Variants in NCAPD3 observed in about 807,000 individuals in gnomAD.
The protein encoded by NCAPD3 is condensin-2 complex subunit D3.
NCAPD3 carries 105 observed loss-of-function variants against 182.9 expected under a neutral mutation model. The observed-to-expected ratio is 0.57, with a 90% CI of 0.49 to 0.68. The LOEUF is 0.68. Among genes scored for constraint, NCAPD3 ranks in the 30% least tolerant of loss-of-function variants. The pLI is 0.00. For synonymous variants in NCAPD3, 815 were observed against 679.9 expected (o/e 1.20, Z -3.09); for missense variants, 1,944 against 1,837.0 (o/e 1.06, Z -1.07).
chr11:134,165,265 G>A (rs1053287642), intron 27 of NCAPD3, among the ~76,000 whole-genome samples: 4 of 150,510 alleles, frequency 2.7e-5, no homozygotes, highest in Non-Finnish European at 4.4e-5. Context: ...AAGCTGAGGG[G>A]GAGCTGCACA....
chr11:134,205,527 C>T (rs1489753964), intron 8 of NCAPD3, among the ~76,000 whole-genome samples: 7 of 151,928 alleles, frequency 4.6e-5, no homozygotes, highest in Non-Finnish European at 1.0e-4. Context: ...TTACAGGTGC[C>T]CGCCACCACG....
At chr11:134,190,941 AT>A (rs1279670565) in intron 16 of NCAPD3, among the ~76,000 whole-genome samples, 7 of 152,176 alleles carry the variant, frequency 4.6e-5, no homozygotes, top group Non-Finnish European at 8.8e-5. Context: ...GACATTTAGA[AT>A]TGTCGACTAC....
rs368943683 is a variant in NCAPD3, at chr11:134,181,167, C to T, written c.2469G>A (p.Val823=). 5 of 1,613,860 alleles carry T rather than the reference C, an allele frequency of 3.1e-6. No homozygotes were observed. In the African/African-American group the frequency reaches 5.3e-5, roughly 17 times the overall value. ...PAEEQELLTQ[V]CGDVLSTCEH... Reference sequence around the variant, plus strand: ...CGCAGGTGGAGAGTACATCCCCACACACCTGCGTCAGCAATTCCTACGGCA... The same window carrying T: ...CGCAGGTGGAGAGTACATCCCCACATACCTGCGTCAGCAATTCCTACGGCA... Residue 823 remains valine, a synonymous_variant, in exon 20 of 35, where the codon GTG becomes GTA. Transcript: ENST00000534548.
intron 24 of NCAPD3, among the ~76,000 whole-genome samples, chr11:134,169,457 C>G (rs1306985329): frequency 1.3e-5 from 2 of 152,210 alleles, no homozygotes; most frequent in African/African-American, 2.4e-5. Flanking sequence ...CTTCACCTCC[C>G]AACTTCAAGT....
intron 2 of NCAPD3, among the ~76,000 whole-genome samples, chr11:134,220,073 C>A (rs1035331753): frequency 6.6e-6 from 1 of 152,168 alleles, no homozygotes; most frequent in Admixed American, 6.5e-5. Context: ...GGATTACAGG[C>A]ATGAGCCACC....
chr11:134,179,278 A>C (rs1028586616), intron 20 of NCAPD3, among the ~76,000 whole-genome samples: 7 of 152,130 alleles, frequency 4.6e-5, no homozygotes, highest in Non-Finnish European at 7.4e-5. Context: ...ACCCAGAGAC[A>C]CCATTATTGT....
In NCAPD3 at chr11:134,152,808, G is replaced by T; in HGVS notation, c.*136C>A. 1.5e-6 allele frequency: 1 copy of T among 674,708 alleles called. No homozygotes were observed. The allele number at this position is 674,708 out of a possible 1,614,324, so 41.8% of individuals were successfully genotyped here. On this transcript the variant is annotated 3_prime_UTR_variant, in exon 35 of 35. Transcript: ENST00000534548. The stretch of plus-strand genomic sequence containing the variant: ...AATAGAAGGTGAGTGCCAGGCCCCT[G>T]AGGAGGAGCTCTCGTGTTCCACAGC...
intron 16 of NCAPD3, among the ~76,000 whole-genome samples, chr11:134,188,490 G>A (rs1337064859): frequency 2.6e-5 from 4 of 151,296 alleles, no homozygotes; most frequent in Admixed American, 2.6e-4. Context: ...TCTTACTGCT[G>A]CTCACTCTTT....
At chr11:134,181,000 A>G (rs1944283606) in intron 20 of NCAPD3, 77 bp downstream of exon 20, 2 of 1,079,326 alleles carry the variant, frequency 1.9e-6, no homozygotes, top group South Asian at 1.3e-5. Context: ...TAAAGCGTAC[A>G]TGACAAAGTC....
intron 32 of NCAPD3, among the ~76,000 whole-genome samples, chr11:134,156,325 G>A (rs550174420): frequency 2.6e-5 from 4 of 152,182 alleles, no homozygotes; most frequent in Non-Finnish European, 2.9e-5. Context: ...GGCGCAGAGC[G>A]AGGGGCACAC....
At chr11:134,225,380 C>G, upstream of NCAPD3, 1 of 1,607,582 alleles carries the variant, frequency 6.2e-7, no homozygotes. Flanking sequence ...CCCCCAGCGC[C>G]GACAGCCGGC....
intron 13 of NCAPD3, among the ~76,000 whole-genome samples, chr11:134,201,459 A>G (rs1459905073): frequency 6.6e-6 from 1 of 152,166 alleles, no homozygotes; most frequent in Non-Finnish European, 1.5e-5. Context: ...AGTCTGTACA[A>G]TCTTGTGACT....
chr11:134,162,245 AC>A (rs1943603587), intron 27 of NCAPD3, among the ~76,000 whole-genome samples: 2 of 152,152 alleles, frequency 1.3e-5, no homozygotes, highest in Non-Finnish European at 1.5e-5. Context: ...CCTCAATTCA[AC>A]ACCCTCCCCT....
intron 13 of NCAPD3, among the ~76,000 whole-genome samples, chr11:134,198,027 C>T (rs752737368): frequency 2.0e-5 from 3 of 152,146 alleles, no homozygotes; most frequent in Admixed American, 6.5e-5. Context: ...AGACTGTAAA[C>T]CAAAAATAAA....
chr11:134,223,828 C>T (rs1017374923), intron 1 of NCAPD3, 35 bp downstream of exon 1: 3 of 1,604,662 alleles, frequency 1.9e-6, no homozygotes, highest in Non-Finnish European at 2.5e-6. Flanking sequence ...GGACCCTCGC[C>T]CTGGCCCCCG....
At chr11:134,167,923 A>C in intron 27 of NCAPD3, 73 bp downstream of exon 27, 1 of 1,400,748 alleles carries the variant, frequency 7.1e-7, no homozygotes, top group Non-Finnish European at 1.0e-6. Flanking sequence ...GGAGGTGCAC[A>C]CTCGTGAGAT....
At chr11:134,163,871 C>CAAAAAAAAAAAAAA (rs60340458) in intron 27 of NCAPD3, among the ~76,000 whole-genome samples, 2 of 70,890 alleles carry the variant, frequency 2.8e-5, no homozygotes, top group Non-Finnish European at 2.7e-5. Context: ...GATTCTGTCT[C>CAAAAAAAAAAAAAA]AAAAAAAAAA....
intron 16 of NCAPD3, among the ~76,000 whole-genome samples, chr11:134,186,794 A>C (rs1944415681): frequency 6.6e-6 from 1 of 152,194 alleles, no homozygotes; most frequent in Non-Finnish European, 1.5e-5. Context: ...ATACCATAAT[A>C]AGCATATGCA....
chr11:134,167,867 G>A (rs1943900932), intron 27 of NCAPD3, 129 bp downstream of exon 27: 1 of 922,914 alleles, frequency 1.1e-6, no homozygotes, highest in Admixed American at 2.1e-5. Flanking sequence ...ACACTCGTGA[G>A]ATGAGCTTGG....
Sources: gnomAD v4.1 joint callset for allele counts (sites outside exome capture counted in the v4.1 genomes callset) on GRCh38, gnomAD v4.1.1 for gene constraint, MANE v1.5 for transcripts, NCBI Gene and HGNC (gene_info 2026-07-23, HGNC 2026-07-21) for gene names.